Variants in PHLPP2 observed in about 807,000 individuals in gnomAD.
PHLPP2 encodes the protein PH domain leucine-rich repeat-containing protein phosphatase 2.
PHLPP2 carries 66 observed loss-of-function variants against 124.9 expected under a neutral mutation model. That is an observed-to-expected ratio of 0.53 (90% CI 0.43 to 0.65). The LOEUF is 0.65. PHLPP2 is among the 30% of genes least tolerant of loss of function. The probability of loss-of-function intolerance (pLI) is 0.00; values close to 1 mark genes in which losing one functional copy is unlikely to be tolerated. For missense variants in PHLPP2, 1,685 were observed against 1,600.4 expected, an observed-to-expected ratio of 1.05 and a Z score of -0.90; for synonymous variants, 681 against 624.7, an observed-to-expected ratio of 1.09 and a Z score of -1.34.
chr16:71,658,524 A>G (rs2044760703), intron 14 of PHLPP2, 129 bp downstream of exon 14: 10 of 1,220,372 alleles, frequency 8.2e-6, no homozygotes, highest in Non-Finnish European at 1.1e-5. Context: ...ATAAGAAGAC[A>G]ATAATATTTT....
At chr16:71,702,798 A>ATTATTT in intron 2 of PHLPP2, 67 bp from the exon 3 acceptor site, 1 of 641,272 alleles carries the variant, frequency 1.6e-6, no homozygotes, top group South Asian at 2.3e-5. Flanking sequence ...TTAATTTTTT[A>ATTATTT]GTATTTTTAT....
At chr16:71,669,804 A>G (rs963276831) in intron 10 of PHLPP2, among the ~76,000 whole-genome samples, 1 of 152,248 alleles carries the variant, frequency 6.6e-6, no homozygotes. Flanking sequence ...CAGTAGAAGC[A>G]AAAGATAACT....
intron 4 of PHLPP2, among the ~76,000 whole-genome samples, chr16:71,689,136 C>A (rs1390769909): frequency 2.6e-5 from 4 of 152,118 alleles, no homozygotes; most frequent in African/African-American, 7.2e-5. Flanking sequence ...GACCCAGAGC[C>A]CAGGAGGCCC....
rs535427059 is a variant in PHLPP2 at position 71,678,976 on chromosome 16, G to A, written c.1047C>T (p.Thr349=). 10 of 1,588,004 alleles carry A rather than the reference G, an allele frequency of 6.3e-6. No individual in the cohort carries two copies. Among genetic ancestry groups the A allele is most frequent in the Non-Finnish European group, 8.6e-6 (10 of 1,157,726 alleles). ...SQIGNLLNLQ[T]LCLDGNFLTT... ...TCAGAAAGTTGCCATCAAGACAGAG[G>A]GTTTGAAGACTATAGGAAGAAAACA... Residue 349 remains threonine (T), a synonymous_variant, in exon 8 of 19, where the codon ACC becomes ACT. Coordinates refer to ENST00000568954, the MANE Select transcript of PHLPP2 (RefSeq NM_015020.3).
chr16:71,692,763 TATA>T (rs1204275519), intron 3 of PHLPP2, among the ~76,000 whole-genome samples: 1 of 152,216 alleles, frequency 6.6e-6, no homozygotes, highest in Non-Finnish European at 1.5e-5. Context: ...CTAGATTACT[TATA>T]ATATCTAAAA....
chr16:71,690,628 T>C lies in PHLPP2; in HGVS notation c.500A>G (p.His167Arg), dbSNP rs754293586. The change falls in exon 4 of 19, where the codon CAT becomes CGT. Residue 167 changes from histidine to arginine, a missense_variant. His to Arg is a conservative substitution (Grantham distance 29). Coordinates refer to ENST00000568954, the MANE Select transcript of PHLPP2 (RefSeq NM_015020.3). ...GACAACTAGGCGCTCAGCCCACTTA[T>C]GCAGCTGGGTCTTTCCCTTGCGTAC... ...YNVRKGKTQL[H>R]KWAERLVVLC... The C allele has an allele frequency of 4.3e-6, 7 of 1,612,322 alleles. No homozygotes were observed. Among genetic ancestry groups the C allele is most frequent in the Admixed American group, 1.7e-5 (1 of 59,998 alleles).
chr16:71,708,729 T>C (rs1327240803), intron 2 of PHLPP2, among the ~76,000 whole-genome samples: 1 of 152,132 alleles, frequency 6.6e-6, no homozygotes, highest in East Asian at 1.9e-4. Context: ...GATGTTGCAG[T>C]GAGCTGAGAT....
Position 71,714,731 on chromosome 16 carries a change from T to C in PHLPP2, c.65A>G (p.Asp22Gly), listed in dbSNP as rs763971798. 6.2e-7 allele frequency: 1 copy of C among 1,614,180 alleles called. No homozygotes were observed. The highest frequency in any genetic ancestry group is 1.1e-5 in the South Asian group (1 of 91,082). The stretch of plus-strand genomic sequence containing the variant: ...TCTCTTTACATCTTCTCTTAGCCAG[T>C]CTCTTTCTCGAGAACCAAACCTACT... The part of the protein sequence containing the change: ...RRSRFGSRER[D>G]WLREDVKRGC... The change falls in exon 2 of 19, where the codon GAC (aspartate) becomes GGC (glycine). Residue 22 changes from aspartate (D) to glycine (G), a missense_variant. Coordinates refer to ENST00000568954, the MANE Select transcript of PHLPP2 (RefSeq NM_015020.3).
chr16:71,684,405 C>A lies in PHLPP2; in HGVS notation c.735+71G>T, dbSNP rs375049522. ...CCTCCCAAAGTGCTGGGATTACAGA[C>A]GTGAGCCACCACGCCCGGCCTAGGG... On this transcript the variant is annotated intron_variant, in intron 5 of 18. Transcript: ENST00000568954. 3.9e-6 allele frequency: 6 copies of A among 1,521,140 alleles called. No homozygotes were observed. In the East Asian group the frequency reaches 1.4e-4, roughly 35 times the overall value. The allele number at this position is 1,521,140 out of a possible 1,614,324, so 94.2% of individuals were successfully genotyped here.
chr16:71,655,550 TG>T (rs1397059915), intron 16 of PHLPP2, 116 bp from the exon 17 acceptor site: 9 of 681,804 alleles, frequency 1.3e-5, no homozygotes, highest in East Asian at 8.3e-5. Flanking sequence ...TCACCCAGGC[TG>T]GAGTGCAGTG....
At chr16:71,664,995 A>G (rs2044826086) in intron 12 of PHLPP2, among the ~76,000 whole-genome samples, 1 of 152,026 alleles carries the variant, frequency 6.6e-6, no homozygotes, top group Non-Finnish European at 1.5e-5. Context: ...TGCCAAACTG[A>G]GCTCTTGAAA....
At chr16:71,717,421 A>C (rs933726465) in intron 1 of PHLPP2, among the ~76,000 whole-genome samples, 1 of 152,200 alleles carries the variant, frequency 6.6e-6, no homozygotes, top group Non-Finnish European at 1.5e-5. Context: ...GCTATTCAAA[A>C]CCATGAGGAT....
intron 9 of PHLPP2, among the ~76,000 whole-genome samples, chr16:71,675,160 G>A (rs2044934825): frequency 6.6e-6 from 1 of 152,122 alleles, no homozygotes; most frequent in African/African-American, 2.4e-5. Flanking sequence ...TCTCTGGGGT[G>A]GTTTTACCAG....
At chr16:71,697,172 C>CAATA (rs71389694) in intron 3 of PHLPP2, among the ~76,000 whole-genome samples, 11,381 of 123,898 alleles carry the variant, frequency 0.092, 578 homozygotes, top group Non-Finnish European at 0.12. Context: ...GACTCTGTCT[C>CAATA]AATAAATAAA....
intron 2 of PHLPP2, among the ~76,000 whole-genome samples, chr16:71,712,984 A>G (rs541921872): frequency 5.9e-5 from 9 of 152,350 alleles, no homozygotes; most frequent in African/African-American, 1.9e-4. Flanking sequence ...AAGAACTAAC[A>G]GCGATTTTCT....
chr16:71,702,743 A>G lies in PHLPP2; in HGVS notation c.285-12T>C. The G allele has an allele frequency of 6.5e-7, 1 of 1,543,404 alleles. No individual in the cohort carries two copies. The highest frequency in any genetic ancestry group is 8.8e-7 in the Non-Finnish European group (1 of 1,135,268). On this transcript the variant is annotated splice_polypyrimidine_tract_variant and intron_variant, in intron 2 of 18. Transcript: ENST00000568954. The stretch of plus-strand genomic sequence containing the variant: ...TAGGTTCCAGTCTCCTGATTACACA[A>G]TTCAAAAAAATATATATATTTGGTA...
At chr16:71,658,909 G>T in intron 13 of PHLPP2, 94 bp from the exon 14 acceptor site, 2 of 1,075,694 alleles carry the variant, frequency 1.9e-6, no homozygotes, top group Non-Finnish European at 2.7e-6. Flanking sequence ...ACAGAAGGCC[G>T]ACACGGTCCA....
chr16:71,655,198 A>C lies in PHLPP2; in HGVS notation c.2585+42T>G. The stretch of plus-strand genomic sequence containing the variant: ...CTGGTTTAGAAAAATATATTTTCCA[A>C]AAGTAGAACTGAGTTAGGGATTTTT... On this transcript the variant is annotated intron_variant, in intron 17 of 18. Transcript: ENST00000568954. 3 of 1,365,784 alleles carry C rather than the reference A, an allele frequency of 2.2e-6. No individual in the cohort carries two copies. The South Asian group carries it at 3.5e-5, about 16-fold the overall frequency. The allele number at this position is 1,365,784 out of a possible 1,614,324, so 84.6% of individuals were successfully genotyped here. A position where few individuals can be genotyped will look rare whatever the true frequency, so the allele number is the denominator to read the frequency against.
chr16:71,670,151 C>T (rs987605494), intron 10 of PHLPP2, among the ~76,000 whole-genome samples: 1 of 152,130 alleles, frequency 6.6e-6, no homozygotes, highest in Non-Finnish European at 1.5e-5. Context: ...TGAGCTAGAG[C>T]ACAGAGGCAA....
Sources: gnomAD v4.1 joint callset for allele counts (sites outside exome capture counted in the v4.1 genomes callset) on GRCh38, gnomAD v4.1.1 for gene constraint, MANE v1.5 for transcripts, NCBI Gene and HGNC (gene_info 2026-07-23, HGNC 2026-07-21) for gene names.